Variants in UBE2Q2 observed in about 807,000 individuals in gnomAD.
UBE2Q2 encodes ubiquitin conjugating enzyme E2 Q2, also known as ubiquitin-conjugating enzyme E2 Q2.
Under a neutral mutation model 59.9 loss-of-function variants are expected in UBE2Q2, and 54 were observed. That is an observed-to-expected ratio of 0.90 (90% CI 0.72 to 1.13). The LOEUF (loss-of-function observed/expected upper bound fraction) is 1.13. UBE2Q2 is among the 50% of genes most tolerant of loss of function. The pLI is 0.00. For synonymous variants in UBE2Q2, 165 were observed against 155.2 expected, an observed-to-expected ratio of 1.06 and a Z score of -0.47; for missense variants, 433 against 441.9, an observed-to-expected ratio of 0.98 and a Z score of 0.18.
intron 2 of UBE2Q2, 136 bp downstream of exon 2, chr15:75,854,623 T>G (rs1490364218): frequency 1.9e-6 from 1 of 533,364 alleles, no homozygotes; most frequent in Non-Finnish European, 3.1e-6. Flanking sequence ...AGTTTGTTTG[T>G]TTTTTTTCCT....
At position 75,873,444 on chromosome 15, in the gene UBE2Q2, A is replaced by C; in HGVS notation, c.464A>C (p.Asp155Ala). The C allele has an allele frequency of 1.2e-6, 2 of 1,611,118 alleles. No individual in the cohort carries two copies. The highest frequency in any genetic ancestry group is 2.2e-5 in the South Asian group (2 of 90,534). Reference protein sequence around the residue: ...EEMAEDIEDLDHYEMKEEEPI... With the variant: ...EEMAEDIEDLAHYEMKEEEPI... ...TCTTTGTAGGATATAGAAGACTTAG[A>C]TCACTATGAGATGAAGGAAGAAGAG... The change falls in exon 5 of 13, where the codon GAT becomes GCT. Residue 155 changes from aspartate (D) to alanine (A), a missense_variant. Coordinates refer to ENST00000267938, the MANE Select transcript of UBE2Q2 (RefSeq NM_173469.4).
chr15:75,899,628 A>C lies in UBE2Q2; in HGVS notation c.*170A>C, dbSNP rs572347573. ...ATCCAGTATAAGTTACAGCCTTTGCATTTTGCTCATTTTAGATATCTTGGA... is the reference window on the plus strand; with the variant it reads ...ATCCAGTATAAGTTACAGCCTTTGCCTTTTGCTCATTTTAGATATCTTGGA... On this transcript the variant is annotated 3_prime_UTR_variant, in exon 13 of 13. Coordinates refer to ENST00000267938, the MANE Select transcript of UBE2Q2 (RefSeq NM_173469.4). 8.8e-6 allele frequency: 4 copies of C among 453,878 alleles called. No individual in the cohort carries two copies. In the East Asian group the frequency reaches 1.7e-4, roughly 20 times the overall value. 28.1% of individuals were successfully genotyped at this position (453,878 alleles called of 1,614,324 possible).
intron 10 of UBE2Q2, 25 bp from the exon 11 acceptor site, chr15:75,890,894 T>G: frequency 1.2e-6 from 2 of 1,601,348 alleles, no homozygotes; most frequent in Middle Eastern, 1.7e-4. Flanking sequence ...CTACTGTATT[T>G]TAGAGATACT....
At chr15:75,876,382 T>TG in intron 6 of UBE2Q2, 111 bp downstream of exon 6, 1 of 948,754 alleles carries the variant, frequency 1.1e-6, no homozygotes, top group Non-Finnish European at 1.5e-6. Flanking sequence ...TTTACTAGCT[T>TG]TATTTCAGGA....
At chr15:75,873,009 G>C (rs1450103226) in intron 4 of UBE2Q2, among the ~76,000 whole-genome samples, 1 of 152,122 alleles carries the variant, frequency 6.6e-6, no homozygotes, top group Non-Finnish European at 1.5e-5. Flanking sequence ...GGTTGAAATA[G>C]GTATCCTTAT....
chr15:75,887,545 G>T (rs1898853777), intron 9 of UBE2Q2, among the ~76,000 whole-genome samples: 1 of 151,710 alleles, frequency 6.6e-6, no homozygotes, highest in African/African-American at 2.4e-5. Context: ...ACTTAAACAG[G>T]TCTGTGGACT....
At position 75,900,609 on chromosome 15, in the gene UBE2Q2, C is replaced by A. The variant is rs1899702915; in HGVS notation, c.*1151C>A. The A allele has an allele frequency of 6.6e-6, 1 of 152,596 alleles. No homozygotes were observed. The highest frequency in any genetic ancestry group is 2.4e-5 in the African/African-American group (1 of 41,432). The allele number at this position is 152,596 out of a possible 1,614,324, so 9.5% of individuals were successfully genotyped here. On this transcript the variant is annotated 3_prime_UTR_variant, in exon 13 of 13. Transcript: ENST00000267938. ...CACATTTTTCTGCACAAACAAGTTACAAAGTTCAAAAGTGTTTCTTGTGCA... is the reference window on the plus strand; with the variant it reads ...CACATTTTTCTGCACAAACAAGTTAAAAAGTTCAAAAGTGTTTCTTGTGCA...
intron 7 of UBE2Q2, among the ~76,000 whole-genome samples, chr15:75,878,854 T>A (rs1044800080): frequency 6.6e-6 from 1 of 152,104 alleles, no homozygotes; most frequent in African/African-American, 2.4e-5. Flanking sequence ...CTGCAAACTC[T>A]GAACTCCTTT....
chr15:75,867,010 A>G (rs1897525986), intron 3 of UBE2Q2, among the ~76,000 whole-genome samples: 1 of 152,118 alleles, frequency 6.6e-6, no homozygotes, highest in African/African-American at 2.4e-5. Flanking sequence ...TATAGATGAG[A>G]TATACCCTTG....
Position 75,866,078 on chromosome 15 carries a change from C to T in UBE2Q2, c.388-2873C>T, listed in dbSNP as rs1038903013. Among the ~76,000 whole-genome samples the T allele has an allele frequency of 1.6e-4, 24 of 152,082 alleles. 1 individual carries two copies. Among genetic ancestry groups the T allele is most frequent in the Admixed American group, 1.5e-3 (23 of 15,270 alleles). ...TACAAATGAAAAGTCTGATGCCTAT[C>T]TCATTCTTAATTCTTTCTGTGTATT... is the stretch of plus-strand genomic sequence containing the variant. On this transcript the variant is annotated intron_variant, in intron 3 of 12. Transcript: ENST00000267938.
intron 2 of UBE2Q2, among the ~76,000 whole-genome samples, chr15:75,859,207 T>G (rs1897085460): frequency 6.6e-6 from 1 of 152,244 alleles, no homozygotes; most frequent in Non-Finnish European, 1.5e-5. Context: ...AGTTATTCTT[T>G]GCAGTTTTCC....
intron 1 of UBE2Q2, among the ~76,000 whole-genome samples, chr15:75,850,749 AG>A (rs1351004782): frequency 6.6e-6 from 1 of 152,190 alleles, no homozygotes; most frequent in Non-Finnish European, 1.5e-5. Flanking sequence ...CAGTTCTCAA[AG>A]TTTTGGGGTC....
chr15:75,853,493 T>C (rs1896741799), intron 1 of UBE2Q2, among the ~76,000 whole-genome samples: 2 of 125,420 alleles, frequency 1.6e-5, no homozygotes, highest in South Asian at 2.1e-4. Flanking sequence ...AAAAAAATTA[T>C]ATATATATAT....
At chr15:75,850,545 C>T (rs985757151) in intron 1 of UBE2Q2, among the ~76,000 whole-genome samples, 14 of 152,164 alleles carry the variant, frequency 9.2e-5, no homozygotes, top group African/African-American at 3.4e-4. Flanking sequence ...CACCTGACAG[C>T]TAATCACTGG....
Position 75,900,169 on chromosome 15 carries a change from T to C in UBE2Q2, c.*711T>C, listed in dbSNP as rs180952023. 1 of 152,354 alleles carries C rather than the reference T, an allele frequency of 6.6e-6. No individual in the cohort carries two copies. Among genetic ancestry groups the C allele is most frequent in the Admixed American group, 6.5e-5 (1 of 15,300 alleles). 9.4% of individuals were successfully genotyped at this position (152,354 alleles called of 1,614,324 possible). A position where few individuals can be genotyped will look rare whatever the true frequency, so the allele number is the denominator to read the frequency against. The stretch of plus-strand genomic sequence containing the variant: ...ATCTGCTGCTTGTTGGTTCAGTGTT[T>C]CTTATGAACAAGAGCCACAGTACAG... On this transcript the variant is annotated 3_prime_UTR_variant, in exon 13 of 13. Coordinates refer to ENST00000267938, the MANE Select transcript of UBE2Q2 (RefSeq NM_173469.4).
intron 8 of UBE2Q2, 119 bp downstream of exon 8, chr15:75,879,307 C>T (rs112176632): frequency 5.4e-6 from 3 of 550,852 alleles, no homozygotes; most frequent in East Asian, 3.1e-5. Flanking sequence ...TCAGGAATCT[C>T]GTAGACATAT....
In UBE2Q2 at chr15:75,874,777, A is replaced by G. The variant is rs533450381; in HGVS notation, c.588+1209A>G. 3.3e-5 allele frequency among the ~76,000 whole-genome samples: 5 copies of G among 152,312 alleles called. No individual in the cohort carries two copies. The South Asian group carries it at 8.3e-4, about 25-fold the overall frequency. ...ATATATAAAATGCTCAGAGTAGGGA[A>G]ACATCAAATGATTGTCTGAACACTT... On this transcript the variant is annotated intron_variant, in intron 5 of 12. Transcript: ENST00000267938.
chr15:75,890,548 T>G lies in UBE2Q2; in HGVS notation c.933+65T>G. The G allele has an allele frequency of 2.1e-6, 3 of 1,450,480 alleles. No homozygotes were observed. The South Asian group carries it at 3.7e-5, about 18-fold the overall frequency. The allele number at this position is 1,450,480 out of a possible 1,614,324, so 89.9% of individuals were successfully genotyped here. A position where few individuals can be genotyped will look rare whatever the true frequency, so the allele number is the denominator to read the frequency against. The stretch of plus-strand genomic sequence containing the variant: ...AGTGTTTTGATCATGTAAATTAGAT[T>G]GTAAGTAGAAAATTCTTTAATAGCT... On this transcript the variant is annotated intron_variant, in intron 10 of 12. Transcript: ENST00000267938.
intron 4 of UBE2Q2, among the ~76,000 whole-genome samples, chr15:75,872,533 C>CTT (rs374099581): frequency 0.02 from 2,253 of 114,726 alleles, 75 homozygotes; most frequent in East Asian, 0.13. Context: ...TTTTCTTTTC[C>CTT]TTTTTTTTTT....
Sources: gnomAD v4.1 joint callset for allele counts (sites outside exome capture counted in the v4.1 genomes callset) on GRCh38, gnomAD v4.1.1 for gene constraint, MANE v1.5 for transcripts, NCBI Gene and HGNC (gene_info 2026-07-23, HGNC 2026-07-21) for gene names.